ARB2A: variants seen among roughly 807,000 people sequenced by gnomAD.
ARB2A encodes the protein ARB2 cotranscriptional regulator A.
chr5:93,870,846 G>A, the ARB2A span, among the ~76,000 whole-genome samples: 2 of 152,184 alleles, frequency 1.3e-5, no homozygotes, highest in East Asian at 1.9e-4. Context: ...TATTATGAGT[G>A]ATGAAATGAA....
chr5:93,774,902 T>C, the ARB2A span, among the ~76,000 whole-genome samples: 1 of 152,204 alleles, frequency 6.6e-6, no homozygotes, highest in Non-Finnish European at 1.5e-5. Flanking sequence ...TGGCCTTGTA[T>C]TTCATCTAGG....
chr5:93,672,091 T>G, the ARB2A span, among the ~76,000 whole-genome samples: 1 of 152,186 alleles, frequency 6.6e-6, no homozygotes, highest in Non-Finnish European at 1.5e-5. Flanking sequence ...AAGAAGAATT[T>G]TATTGTATTG....
At chr5:93,713,191 C>CA in the ARB2A span, among the ~76,000 whole-genome samples, 43 of 152,094 alleles carry the variant, frequency 2.8e-4, no homozygotes, top group African/African-American at 8.0e-4. Flanking sequence ...GCAATCAAAG[C>CA]AAAAATGGAC....
chr5:94,105,628 T>C, the ARB2A span, among the ~76,000 whole-genome samples: 7 of 151,364 alleles, frequency 4.6e-5, no homozygotes, highest in African/African-American at 7.3e-5. Flanking sequence ...CTAGAAAAAA[T>C]ATCTAACATT....
the ARB2A span, among the ~76,000 whole-genome samples, chr5:93,934,568 T>C: frequency 1.3e-5 from 2 of 152,194 alleles, no homozygotes; most frequent in Admixed American, 6.5e-5. Flanking sequence ...GGGTTAGATA[T>C]GGGCATGTGT....
chr5:93,919,890 CAA>C, the ARB2A span, among the ~76,000 whole-genome samples: 1 of 152,058 alleles, frequency 6.6e-6, no homozygotes, highest in Non-Finnish European at 1.5e-5. Flanking sequence ...GACAAAGGTA[CAA>C]GGCTTGTATT....
chr5:93,621,176 G>A, the ARB2A span: 1 of 1,539,686 alleles, frequency 6.5e-7, no homozygotes, highest in Non-Finnish European at 8.8e-7. Context: ...CGCGGGGCCA[G>A]GCGCGGTGAG....
At chr5:93,712,056 A>G in the ARB2A span, among the ~76,000 whole-genome samples, 3 of 152,350 alleles carry the variant, frequency 2.0e-5, no homozygotes, top group South Asian at 6.2e-4. Context: ...CGGAAGTCCC[A>G]GGATAGCCTG....
At chr5:93,765,885 A>T in the ARB2A span, among the ~76,000 whole-genome samples, 1 of 152,202 alleles carries the variant, frequency 6.6e-6, no homozygotes, top group African/African-American at 2.4e-5. Flanking sequence ...ATAATGCTGC[A>T]TATCTACAAC....
the ARB2A span, among the ~76,000 whole-genome samples, chr5:93,984,522 G>A: frequency 6.6e-6 from 1 of 152,110 alleles, no homozygotes; most frequent in Admixed American, 6.5e-5. Context: ...ATACTTTGTT[G>A]TTTTGTGCCA....
At chr5:93,719,145 A>C in the ARB2A span, among the ~76,000 whole-genome samples, 2 of 152,190 alleles carry the variant, frequency 1.3e-5, no homozygotes, top group African/African-American at 4.8e-5. Flanking sequence ...AGATTTCTCC[A>C]TAACTTTTAT....
At chr5:93,743,595 G>A in the ARB2A span, 1 of 980,536 alleles carries the variant, frequency 1.0e-6, no homozygotes, top group Non-Finnish European at 1.2e-6. Flanking sequence ...ATGAAAGCTG[G>A]ATCACAAAGA....
At chr5:94,066,388 A>C in the ARB2A span, among the ~76,000 whole-genome samples, 1 of 151,162 alleles carries the variant, frequency 6.6e-6, no homozygotes, top group Non-Finnish European at 1.5e-5. Context: ...ACTTTTTTGA[A>C]AAAGATAAAT....
the ARB2A span, among the ~76,000 whole-genome samples, chr5:93,852,244 A>G: frequency 1.3e-5 from 2 of 152,074 alleles, no homozygotes; most frequent in Non-Finnish European, 2.9e-5. Context: ...TGGCTGCATG[A>G]ATGTCTTCTT....
At chr5:94,011,496 T>C in the ARB2A span, among the ~76,000 whole-genome samples, 1 of 151,878 alleles carries the variant, frequency 6.6e-6, no homozygotes. Flanking sequence ...TGATAGAGAG[T>C]AGACAGCCAA....
the ARB2A span, among the ~76,000 whole-genome samples, chr5:93,942,952 A>G: frequency 1.3e-5 from 2 of 152,110 alleles, no homozygotes; most frequent in Non-Finnish European, 2.9e-5. Context: ...ACATATATAC[A>G]CATACAACTT....
chr5:94,048,051 C>CTTTTTTTTTT, the ARB2A span, among the ~76,000 whole-genome samples: 4 of 96,078 alleles, frequency 4.2e-5, no homozygotes, highest in African/African-American at 8.0e-5. Context: ...AATCGGTAAG[C>CTTTTTTTTTT]TTTTTTTTTT....
chr5:93,981,993 T>C, the ARB2A span, among the ~76,000 whole-genome samples: 3 of 152,042 alleles, frequency 2.0e-5, no homozygotes, highest in Admixed American at 6.6e-5. Context: ...CAGATACAAA[T>C]AGAAAACATT....
At chr5:93,651,495 A>G in the ARB2A span, among the ~76,000 whole-genome samples, 1,180 of 152,314 alleles carry the variant, frequency 7.7e-3, 6 homozygotes, top group Middle Eastern at 0.02. Context: ...TAAAATAAAG[A>G]AATTTTTAGA....
Sources: gnomAD v4.1 joint callset for allele counts (sites outside exome capture counted in the v4.1 genomes callset) on GRCh38, gnomAD v4.1.1 for gene constraint, MANE v1.5 for transcripts, NCBI Gene and HGNC (gene_info 2026-07-23, HGNC 2026-07-21) for gene names.